CHST8: variants seen among roughly 807,000 people sequenced by gnomAD.
The protein encoded by CHST8 is GALNAC-4-ST1.
CHST8 carries 10 observed loss-of-function variants against 15.0 expected under a neutral mutation model. The ratio of observed to expected loss-of-function variants is 0.67; its 90% CI spans 0.41 to 1.13. CHST8 has a LOEUF of 1.13. Ranked by LOEUF, CHST8 falls within the 50% of genes most tolerant of loss-of-function variation. The pLI is 0.00. For synonymous variants in CHST8, 259 were observed against 256.6 expected (o/e 1.01, Z -0.09); for missense variants, 634 against 608.2 (o/e 1.04, Z -0.45).
chr19:33,687,546 G>T (rs533538147), intron 2 of CHST8, among the ~76,000 whole-genome samples: 1 of 152,192 alleles, frequency 6.6e-6, no homozygotes, highest in Admixed American at 6.5e-5. Context: ...CTGGAAGGCC[G>T]CAGGAACCAA....
At chr19:33,631,029 C>T (rs1050501365) in intron 1 of CHST8, among the ~76,000 whole-genome samples, 2 of 152,188 alleles carry the variant, frequency 1.3e-5, no homozygotes, top group African/African-American at 4.8e-5. Flanking sequence ...GTGTGCAATG[C>T]AGTCTGTCTA....
chr19:33,755,965 A>G (rs189373096), intron 3 of CHST8, among the ~76,000 whole-genome samples: 75 of 152,266 alleles, frequency 4.9e-4, no homozygotes, highest in African/African-American at 1.5e-3. Flanking sequence ...AGGGGAATTC[A>G]GGGACCTCGG....
At chr19:33,697,032 A>T (rs1215296496) in intron 3 of CHST8, among the ~76,000 whole-genome samples, 1 of 151,638 alleles carries the variant, frequency 6.6e-6, no homozygotes, top group East Asian at 1.9e-4. Context: ...TTTAGTAGAG[A>T]TGGGGTTTCA....
Position 33,772,619 on chromosome 19 carries a change from C to CTAT in CHST8, c.833_834insTTA (p.Tyr279dup), listed in dbSNP as rs750122976. ...GCGACAAGTTTGAGCACCCCAACAG[C>CTAT]TACTATCACCCGGTCTTCGGCAAGG... On this transcript the variant is annotated inframe_insertion, in exon 5 of 5. Transcript: ENST00000650847. 1 of 1,614,062 alleles carries CTAT rather than the reference C, an allele frequency of 6.2e-7. No homozygotes were observed. The highest frequency in any genetic ancestry group is 8.5e-7 in the Non-Finnish European group (1 of 1,180,040).
At chr19:33,639,200 C>G (rs1972246042) in intron 1 of CHST8, among the ~76,000 whole-genome samples, 2 of 151,396 alleles carry the variant, frequency 1.3e-5, no homozygotes. Context: ...GAGATTCTAG[C>G]AGGGGAGTGG....
At chr19:33,636,061 G>A (rs1336450758) in intron 1 of CHST8, among the ~76,000 whole-genome samples, 3 of 145,682 alleles carry the variant, frequency 2.1e-5, no homozygotes, top group Non-Finnish European at 3.0e-5. Flanking sequence ...ATGCTTTTCT[G>A]TGATAACTAA....
chr19:33,686,176 G>C (rs574304435), intron 2 of CHST8, among the ~76,000 whole-genome samples: 3 of 152,136 alleles, frequency 2.0e-5, no homozygotes, highest in Non-Finnish European at 4.4e-5. Flanking sequence ...TTCTCTCGGG[G>C]GCCAGCAAAG....
Position 33,773,395 on chromosome 19 carries a change from G to T in CHST8, c.*332G>T, listed in dbSNP as rs978963061. The stretch of plus-strand genomic sequence containing the variant: ...GGGGCCCAGCGGTAAGGGATGTCCC[G>T]CACTCCCTTAGCCATTGCCTTGGAC... On this transcript the variant is annotated 3_prime_UTR_variant, in exon 5 of 5. Coordinates refer to ENST00000650847, the MANE Select transcript of CHST8 (RefSeq NM_001127895.2). 8.2e-6 allele frequency: 3 copies of T among 363,708 alleles called. No individual in the cohort carries two copies. The highest frequency in any genetic ancestry group is 1.5e-5 in the Non-Finnish European group (3 of 199,178). 22.5% of individuals were successfully genotyped at this position (363,708 alleles called of 1,614,324 possible). A position where few individuals can be genotyped will look rare whatever the true frequency, so the allele number is the denominator to read the frequency against.
At chr19:33,696,211 T>A (rs1460657279) in intron 3 of CHST8, among the ~76,000 whole-genome samples, 1 of 152,220 alleles carries the variant, frequency 6.6e-6, no homozygotes, top group African/African-American at 2.4e-5. Flanking sequence ...CTGCAATAAG[T>A]ATGCATGAGC....
intron 2 of CHST8, among the ~76,000 whole-genome samples, chr19:33,673,103 C>T (rs1269391665): frequency 1.3e-5 from 2 of 152,170 alleles, no homozygotes; most frequent in Non-Finnish European, 2.9e-5. Flanking sequence ...TGACCCAGCC[C>T]AGGGCTGTGT....
At chr19:33,644,124 G>A (rs1447236411) in intron 1 of CHST8, among the ~76,000 whole-genome samples, 3 of 152,040 alleles carry the variant, frequency 2.0e-5, no homozygotes, top group Admixed American at 6.6e-5. Context: ...GTAGAGATGC[G>A]GTTTCACCAT....
At chr19:33,722,917 G>A (rs1244257775) in intron 3 of CHST8, among the ~76,000 whole-genome samples, 2 of 152,224 alleles carry the variant, frequency 1.3e-5, no homozygotes, top group East Asian at 1.9e-4. Flanking sequence ...GTAAGAGGGG[G>A]TCTGCATCTA....
chr19:33,674,598 G>A (rs1408210573), intron 2 of CHST8, among the ~76,000 whole-genome samples: 18 of 152,110 alleles, frequency 1.2e-4, no homozygotes, highest in Non-Finnish European at 1.5e-5. Flanking sequence ...ATTCCCAGGG[G>A]TCTCCAGAGT....
intron 3 of CHST8, among the ~76,000 whole-genome samples, chr19:33,768,352 A>C (rs148599485): frequency 6.6e-6 from 1 of 152,214 alleles, no homozygotes; most frequent in African/African-American, 2.4e-5. Context: ...AGGCAGGAGG[A>C]TTTCTTGAGG....
intron 2 of CHST8, among the ~76,000 whole-genome samples, chr19:33,668,525 G>A (rs1248583885): frequency 2.6e-5 from 4 of 152,152 alleles, no homozygotes; most frequent in Non-Finnish European, 5.9e-5. Flanking sequence ...CCCAGAAGTG[G>A]TCATGAAGAG....
intron 3 of CHST8, among the ~76,000 whole-genome samples, chr19:33,713,673 C>CT (rs1973603315): frequency 6.6e-6 from 1 of 152,142 alleles, no homozygotes; most frequent in Non-Finnish European, 1.5e-5. Context: ...TCAAGTGCCC[C>CT]TGTCTACCTC....
intron 3 of CHST8, among the ~76,000 whole-genome samples, chr19:33,757,880 AG>A (rs1270310825): frequency 3.3e-5 from 5 of 152,188 alleles, no homozygotes; most frequent in Admixed American, 3.3e-4. Context: ...GACCCCTCAA[AG>A]AAGCTGGTGT....
At chr19:33,700,575 C>G in intron 3 of CHST8, among the ~76,000 whole-genome samples, 1 of 152,102 alleles carries the variant, frequency 6.6e-6, no homozygotes, top group South Asian at 2.1e-4. Flanking sequence ...ACCAGGCTCT[C>G]CGCTCAGGGC....
chr19:33,658,781 C>T (rs1334063445), intron 1 of CHST8, among the ~76,000 whole-genome samples: 1 of 152,090 alleles, frequency 6.6e-6, no homozygotes, highest in Admixed American at 6.6e-5. Flanking sequence ...GGAACATTCT[C>T]AGCCATTATC....
Sources: allele counts gnomAD v4.1 joint callset (sites outside exome capture counted in the v4.1 genomes callset), GRCh38; gene constraint gnomAD v4.1.1; transcripts MANE v1.5; gene names NCBI Gene and HGNC (gene_info 2026-07-23, HGNC 2026-07-21).